The following HPSE2 variants were observed in gnomAD, a reference collection of about 807,000 sequenced individuals.
HPSE2 encodes heparanase 2 (inactive).
Under a neutral mutation model 60.5 loss-of-function variants are expected in HPSE2, and 38 were observed. The ratio of observed to expected loss-of-function variants is 0.63; its 90% CI spans 0.48 to 0.82. The LOEUF (loss-of-function observed/expected upper bound fraction) is 0.82. HPSE2 is among the 40% of genes least tolerant of loss of function. The pLI is 0.00. For missense variants in HPSE2, 713 were observed against 740.4 expected (o/e 0.96, Z 0.43); for synonymous variants, 295 against 293.2 (o/e 1.01, Z -0.06).
At chr10:98,713,398 G>A (rs550470636) in intron 5 of HPSE2, among the ~76,000 whole-genome samples, 31 of 151,968 alleles carry the variant, frequency 2.0e-4, no homozygotes, top group African/African-American at 7.2e-4. Context: ...TAGTAATGAG[G>A]GTACTGAGGC....
intron 2 of HPSE2, among the ~76,000 whole-genome samples, chr10:99,156,563 A>T (rs1846571654): frequency 7.6e-6 from 1 of 131,448 alleles, no homozygotes; most frequent in African/African-American, 2.5e-5. Flanking sequence ...CTTCATGCTA[A>T]AAACTCTCAA....
At chr10:98,745,539 T>C (rs945071853) in intron 3 of HPSE2, among the ~76,000 whole-genome samples, 6 of 152,220 alleles carry the variant, frequency 3.9e-5, no homozygotes, top group Non-Finnish European at 7.3e-5. Context: ...ACTTTAGGCC[T>C]CCCTATTTCT....
At chr10:99,268,740 TAAC>T in the HPSE2 span, among the ~76,000 whole-genome samples, 5 of 149,860 alleles carry the variant, frequency 3.3e-5, no homozygotes, top group Admixed American at 6.6e-5. Context: ...AATAAATAAA[TAAC>T]AAGGTATTCA....
intron 9 of HPSE2, among the ~76,000 whole-genome samples, chr10:98,532,927 T>A (rs1943175436): frequency 6.6e-6 from 1 of 152,218 alleles, no homozygotes; most frequent in Admixed American, 6.5e-5. Flanking sequence ...TGATTCTTTC[T>A]CTTTCATGGG....
At chr10:99,010,608 C>T (rs1262379796) in intron 3 of HPSE2, among the ~76,000 whole-genome samples, 3 of 152,128 alleles carry the variant, frequency 2.0e-5, no homozygotes, top group African/African-American at 7.2e-5. Context: ...TCTGGAAGTG[C>T]TTAAGCAAAA....
chr10:98,505,747 T>C (rs1401831029), intron 9 of HPSE2, among the ~76,000 whole-genome samples: 2 of 152,212 alleles, frequency 1.3e-5, no homozygotes, highest in Non-Finnish European at 2.9e-5. Flanking sequence ...TCCGTATGGA[T>C]AGTCCAATTA....
rs1346389145 is a variant in HPSE2 at position 98,938,841 on chromosome 10, T to A, written c.611-194785A>T. Among the ~76,000 whole-genome samples, 16 of 143,448 alleles carry A rather than the reference T, an allele frequency of 1.1e-4. 1 individual carries two copies. The highest frequency in any genetic ancestry group is 1.1e-3 in the Admixed American group (16 of 14,410). The allele number at this position is 143,448 out of a possible 152,430, so 94.1% of individuals were successfully genotyped here. ...TGTTAAGGGCAGACAGAGAGAAAGG[T>A]CAGGTTACCCACAAAGGGAAGTCCA... On this transcript the variant is annotated intron_variant, in intron 3 of 11. Coordinates refer to ENST00000370552, the MANE Select transcript of HPSE2 (RefSeq NM_021828.5).
intron 6 of HPSE2, among the ~76,000 whole-genome samples, chr10:98,681,537 A>G (rs1947787836): frequency 6.6e-6 from 1 of 152,234 alleles, no homozygotes; most frequent in South Asian, 2.1e-4. Context: ...ATGGTTTAAT[A>G]GTCCACATTG....
intron 3 of HPSE2, among the ~76,000 whole-genome samples, chr10:98,895,984 TA>T (rs367857206): frequency 5.3e-5 from 8 of 150,458 alleles, no homozygotes; most frequent in African/African-American, 2.0e-4. Flanking sequence ...TGCCTAATGC[TA>T]AATGACGAGT....
chr10:98,982,741 A>C (rs1442919991), intron 3 of HPSE2, among the ~76,000 whole-genome samples: 1 of 152,188 alleles, frequency 6.6e-6, no homozygotes, highest in East Asian at 1.9e-4. Context: ...AACTGTGCTT[A>C]CTGTACTAAT....
At chr10:98,741,921 G>A (rs11189792) in intron 4 of HPSE2, among the ~76,000 whole-genome samples, 57,149 of 151,928 alleles carry the variant, frequency 0.38, 12,439 homozygotes, top group South Asian at 0.51. Flanking sequence ...GGCAGAGCCT[G>A]ATATTTGAGG....
At chr10:98,734,005 C>T (rs1371993751) in intron 4 of HPSE2, among the ~76,000 whole-genome samples, 2 of 152,146 alleles carry the variant, frequency 1.3e-5, no homozygotes, top group African/African-American at 2.4e-5. Flanking sequence ...AGCAGTCACC[C>T]CTCACCCCTC....
At chr10:99,217,671 G>A (rs1388952177) in intron 2 of HPSE2, among the ~76,000 whole-genome samples, 1 of 151,984 alleles carries the variant, frequency 6.6e-6, no homozygotes. Flanking sequence ...ATGTCTCACT[G>A]CCTCACACTT....
intron 3 of HPSE2, among the ~76,000 whole-genome samples, chr10:99,130,365 C>A (rs768892979): frequency 6.6e-6 from 1 of 151,956 alleles, no homozygotes; most frequent in Non-Finnish European, 1.5e-5. Flanking sequence ...GAACATAGAT[C>A]CAAAAATCCT....
chr10:98,744,133 AG>A, intron 3 of HPSE2, 77 bp from the exon 4 acceptor site: 1 of 1,376,184 alleles, frequency 7.3e-7, no homozygotes, highest in Non-Finnish European at 1.0e-6. Context: ...TAATATAAAA[AG>A]CCTTTCTATG....
chr10:99,211,204 C>T (rs73337471), intron 2 of HPSE2, among the ~76,000 whole-genome samples: 4,254 of 151,852 alleles, frequency 0.028, 198 homozygotes, highest in African/African-American at 0.097. Context: ...AATATTTAAC[C>T]AAACAGGTAA....
intron 3 of HPSE2, among the ~76,000 whole-genome samples, chr10:98,931,054 C>A (rs144374925): frequency 0.027 from 3,960 of 144,010 alleles, 369 homozygotes; most frequent in South Asian, 0.059. Context: ...ATGCCTATGT[C>A]CTGAATGGTA....
rs537303273 is a variant in HPSE2, at chr10:99,226,445, C to T, written c.448+5903G>A. On this transcript the variant is annotated intron_variant, in intron 2 of 11. Coordinates refer to ENST00000370552, the MANE Select transcript of HPSE2 (RefSeq NM_021828.5). ...ACAAGTCAGGTATCTTGTAGAGTAT[C>T]CTTCAGTTTGGGTTTGACTAATGTT... Among the ~76,000 whole-genome samples, 139 of 152,054 alleles carry T rather than the reference C, an allele frequency of 9.1e-4. No individual in the cohort carries two copies. The Middle Eastern group carries it at 0.01, about 11-fold the overall frequency.
intron 3 of HPSE2, among the ~76,000 whole-genome samples, chr10:98,772,504 T>G (rs1490112790): frequency 6.6e-6 from 1 of 152,146 alleles, no homozygotes; most frequent in African/African-American, 2.4e-5. Context: ...GGACCTATGG[T>G]CATTTACTCA....
Sources: gnomAD v4.1 joint callset for allele counts (sites outside exome capture counted in the v4.1 genomes callset) on GRCh38, gnomAD v4.1.1 for gene constraint, MANE v1.5 for transcripts, NCBI Gene and HGNC (gene_info 2026-07-23, HGNC 2026-07-21) for gene names.